PRR11: variants seen among roughly 807,000 people sequenced by gnomAD.
PRR11 encodes proline rich 11, also known as proline-rich protein 11.
A neutral mutation model predicts 45.6 loss-of-function variants in PRR11; 30 were observed. The observed-to-expected ratio is 0.66, with a 90% CI of 0.49 to 0.89. The LOEUF (loss-of-function observed/expected upper bound fraction) is 0.89. PRR11 is among the 40% of genes least tolerant of loss of function. PRR11 has a pLI of 0.00. For missense variants in PRR11, 373 were observed against 424.8 expected, an observed-to-expected ratio of 0.88 and a Z score of 1.07; for synonymous variants, 128 against 153.5, an observed-to-expected ratio of 0.83 and a Z score of 1.23.
chr17:59,198,313 G>A (rs557177945), intron 9 of PRR11, among the ~76,000 whole-genome samples: 3 of 152,222 alleles, frequency 2.0e-5, no homozygotes, highest in East Asian at 1.9e-4. Flanking sequence ...GCCGAGGTGG[G>A]CAGATCACAT....
intron 2 of PRR11, among the ~76,000 whole-genome samples, chr17:59,173,309 AAAGCAGGCTGCCC>A (rs1325857822): frequency 6.6e-6 from 1 of 152,186 alleles, no homozygotes; most frequent in Non-Finnish European, 1.5e-5. Flanking sequence ...GATAAGAATA[AAAGCAGGCTGCCC>A]AAGCCAGTAG....
At chr17:59,184,730 A>G (rs931007601) in intron 2 of PRR11, among the ~76,000 whole-genome samples, 1 of 152,058 alleles carries the variant, frequency 6.6e-6, no homozygotes, top group African/African-American at 2.4e-5. Context: ...ATATTAGAAG[A>G]TCAATGTTCT....
chr17:59,196,125 CT>C (rs2046864921), intron 7 of PRR11, among the ~76,000 whole-genome samples: 1 of 148,130 alleles, frequency 6.8e-6, no homozygotes, highest in Admixed American at 6.8e-5. Context: ...ACCTAAATGT[CT>C]TAAAACAGGA....
At chr17:59,199,340 C>A (rs988334171) in intron 9 of PRR11, among the ~76,000 whole-genome samples, 1 of 152,128 alleles carries the variant, frequency 6.6e-6, no homozygotes, top group Admixed American at 6.6e-5. Context: ...ATGGCCTATT[C>A]AAGGAACTAA....
chr17:59,172,537 C>T (rs967445799), intron 2 of PRR11, among the ~76,000 whole-genome samples: 17 of 152,266 alleles, frequency 1.1e-4, no homozygotes, highest in African/African-American at 4.1e-4. Flanking sequence ...GAGGCACGGG[C>T]GGGAACCGGG....
intron 2 of PRR11, among the ~76,000 whole-genome samples, chr17:59,174,300 A>G (rs774711699): frequency 1.3e-5 from 2 of 152,232 alleles, no homozygotes; most frequent in African/African-American, 4.8e-5. Context: ...TAATGTGACA[A>G]CATCACAAAC....
At chr17:59,195,604 A>C (rs2046862206) in intron 7 of PRR11, among the ~76,000 whole-genome samples, 161 bp downstream of exon 7, 1 of 152,202 alleles carries the variant, frequency 6.6e-6, no homozygotes, top group Admixed American at 6.5e-5. Flanking sequence ...GAAAAGTTTA[A>C]AAAAGAAAAC....
At chr17:59,177,835 G>A (rs1478119709) in intron 2 of PRR11, among the ~76,000 whole-genome samples, 1 of 152,174 alleles carries the variant, frequency 6.6e-6, no homozygotes, top group Non-Finnish European at 1.5e-5. Flanking sequence ...GGGCAACATA[G>A]CAAGACTGTT....
rs2046895733 is a variant in PRR11 at position 59,202,151 on chromosome 17, C to T, written c.*520C>T. On this transcript the variant is annotated 3_prime_UTR_variant, in exon 10 of 10. Transcript: ENST00000262293. Reference sequence around the variant, plus strand: ...CTAGTTTGCATGATGATTAAGAGAACCAGATGGGAAAATACAATCTCCAAA... The same window carrying T: ...CTAGTTTGCATGATGATTAAGAGAATCAGATGGGAAAATACAATCTCCAAA... 1 of 153,548 alleles carries T rather than the reference C, an allele frequency of 6.5e-6. No individual in the cohort carries two copies. Among genetic ancestry groups the T allele is most frequent in the African/African-American group, 2.4e-5 (1 of 41,366 alleles). 9.5% of individuals were successfully genotyped at this position (153,548 alleles called of 1,614,324 possible).
At chr17:59,158,539 A>G (rs1599687702) in intron 1 of PRR11, among the ~76,000 whole-genome samples, 1 of 152,226 alleles carries the variant, frequency 6.6e-6, no homozygotes. Flanking sequence ...AAAACTAAAA[A>G]AATTTATGTA....
At chr17:59,191,112 T>C (rs1031862712) in intron 4 of PRR11, among the ~76,000 whole-genome samples, 2 of 152,098 alleles carry the variant, frequency 1.3e-5, no homozygotes, top group Non-Finnish European at 1.5e-5. Context: ...AGGAGTTTCC[T>C]CCCCTCCTCT....
At chr17:59,199,028 A>G (rs1328794068) in intron 9 of PRR11, among the ~76,000 whole-genome samples, 2 of 152,168 alleles carry the variant, frequency 1.3e-5, no homozygotes, top group East Asian at 1.9e-4. Context: ...TGAAGCTTTC[A>G]GTCTAGTGGG....
At position 59,205,697 on chromosome 17, in the gene PRR11, C is replaced by CA. The variant is rs1057003239; in HGVS notation, c.*4081dup. Among the ~76,000 whole-genome samples, 3,408 of 115,068 alleles carry CA rather than the reference C, an allele frequency of 0.03. 122 individuals carry two copies. Among genetic ancestry groups the CA allele is most frequent in the African/African-American group, 0.094 (2,991 of 31,904 alleles). The allele number at this position is 115,068 out of a possible 152,430, so 75.5% of individuals were successfully genotyped here. ...TTGAGCAACAAGAGCGAAACTGTCT[C>CA]AAAAAAAAAAAAAAAGTATATGTTA... On this transcript the variant is annotated 3_prime_UTR_variant, in exon 10 of 10. Transcript: ENST00000262293.
intron 2 of PRR11, among the ~76,000 whole-genome samples, chr17:59,182,880 A>G (rs2046795809): frequency 6.6e-6 from 1 of 152,068 alleles, no homozygotes; most frequent in Non-Finnish European, 1.5e-5. Context: ...AATCTATCCC[A>G]ACCCACGGAA....
chr17:59,171,001 C>G (rs547644845), intron 2 of PRR11, among the ~76,000 whole-genome samples: 41 of 151,960 alleles, frequency 2.7e-4, no homozygotes, highest in African/African-American at 9.4e-4. Flanking sequence ...GGCTCATGCC[C>G]GTAATCCTAG....
At chr17:59,169,220 T>TC (rs915429905) in intron 1 of PRR11, among the ~76,000 whole-genome samples, 8 of 145,634 alleles carry the variant, frequency 5.5e-5, no homozygotes, top group Non-Finnish European at 9.0e-5. Flanking sequence ...TACCTCAGCC[T>TC]CCCCAATAGC....
At chr17:59,184,507 C>T (rs2046803865) in intron 2 of PRR11, among the ~76,000 whole-genome samples, 1 of 152,150 alleles carries the variant, frequency 6.6e-6, no homozygotes, top group Non-Finnish European at 1.5e-5. Flanking sequence ...CATATGGCTT[C>T]CTAATGGGCT....
chr17:59,157,484 T>G (rs965039615), intron 1 of PRR11, among the ~76,000 whole-genome samples: 10 of 152,128 alleles, frequency 6.6e-5, no homozygotes, highest in African/African-American at 2.2e-4. Flanking sequence ...GGCGGATCAC[T>G]TGAGGTAAGG....
chr17:59,202,504 A>G lies in PRR11; in HGVS notation c.*873A>G, dbSNP rs978309059. ...TCACTTGAGGCTGTAGTGCACTATA[A>G]TTATGCCTGTGAATAGCCACTCTAC... On this transcript the variant is annotated 3_prime_UTR_variant, in exon 10 of 10. Coordinates refer to ENST00000262293, the MANE Select transcript of PRR11 (RefSeq NM_018304.4). The G allele has an allele frequency of 6.6e-6, 1 of 151,896 alleles. No individual in the cohort carries two copies. Among genetic ancestry groups the G allele is most frequent in the African/African-American group, 2.4e-5 (1 of 41,344 alleles). The allele number at this position is 151,896 out of a possible 1,614,324, so 9.4% of individuals were successfully genotyped here. A position where few individuals can be genotyped will look rare whatever the true frequency, so the allele number is the denominator to read the frequency against.
Sources: gnomAD v4.1 joint callset for allele counts (sites outside exome capture counted in the v4.1 genomes callset) on GRCh38, gnomAD v4.1.1 for gene constraint, MANE v1.5 for transcripts, NCBI Gene and HGNC (gene_info 2026-07-23, HGNC 2026-07-21) for gene names.